The following HIVEP3 variants were observed in gnomAD, a reference collection of about 807,000 sequenced individuals.
HIVEP3 encodes the protein transcription factor HIVEP3.
Under a neutral mutation model 152.8 loss-of-function variants are expected in HIVEP3, and 49 were observed. The ratio of observed to expected loss-of-function variants is 0.32; its 90% confidence interval spans 0.26 to 0.41. HIVEP3 has a LOEUF of 0.41. Ranked by LOEUF, HIVEP3 falls within the 10% of genes least tolerant of loss-of-function variation. The pLI, the probability that HIVEP3 is intolerant of heterozygous loss-of-function variation, is 1.00. For synonymous variants in HIVEP3, 1,269 were observed against 1,289.0 expected, an observed-to-expected ratio of 0.98 and a Z score of 0.33; for missense variants, 2,790 against 3,103.3, an observed-to-expected ratio of 0.90 and a Z score of 2.40.
chr1:41,726,793 T>C (rs1056326902), intron 1 of HIVEP3, among the ~76,000 whole-genome samples: 10 of 152,054 alleles, frequency 6.6e-5, no homozygotes, highest in African/African-American at 2.4e-4. Flanking sequence ...AGAAGAACTT[T>C]CTTAAAAAAG....
At chr1:41,819,589 C>T (rs561236157) in intron 1 of HIVEP3, among the ~76,000 whole-genome samples, 10 of 152,138 alleles carry the variant, frequency 6.6e-5, no homozygotes, top group African/African-American at 1.9e-4. Flanking sequence ...ATATAATTTC[C>T]GCTAAGATTT....
chr1:41,977,014 C>A (rs936135348), intron 1 of HIVEP3, among the ~76,000 whole-genome samples: 3 of 152,140 alleles, frequency 2.0e-5, no homozygotes, highest in Non-Finnish European at 4.4e-5. Flanking sequence ...GAGACTAATA[C>A]AACAGCAGTA....
intron 1 of HIVEP3, among the ~76,000 whole-genome samples, chr1:41,888,190 C>A (rs1388119099): frequency 1.3e-5 from 2 of 150,012 alleles, no homozygotes; most frequent in Non-Finnish European, 3.0e-5. Flanking sequence ...CACCCACCAC[C>A]ACGCCCGGCT....
intron 2 of HIVEP3, among the ~76,000 whole-genome samples, chr1:41,659,121 G>A (rs562026211): frequency 5.3e-5 from 8 of 152,218 alleles, no homozygotes; most frequent in Admixed American, 2.6e-4. Flanking sequence ...GCAGCGAACT[G>A]CAAGTATGGC....
intron 1 of HIVEP3, among the ~76,000 whole-genome samples, chr1:41,752,284 C>T (rs907592804): frequency 4.6e-5 from 7 of 152,218 alleles, no homozygotes; most frequent in African/African-American, 1.7e-4. Flanking sequence ...CAGTCACCCA[C>T]GGAGGCTCCG....
intron 3 of HIVEP3, among the ~76,000 whole-genome samples, chr1:41,616,439 GCA>G (rs1200022422): frequency 9.9e-5 from 15 of 152,254 alleles, no homozygotes; most frequent in African/African-American, 3.6e-4. Context: ...TAAGAGGGAC[GCA>G]CAGAGTCTCA....
intron 2 of HIVEP3, among the ~76,000 whole-genome samples, chr1:41,687,237 T>C (rs932452779): frequency 3.3e-5 from 5 of 152,254 alleles, no homozygotes; most frequent in African/African-American, 1.2e-4. Context: ...TCACTGGGGC[T>C]GTGAAGGCAT....
chr1:41,655,909 C>T lies in HIVEP3; in HGVS notation c.-720-26962G>A, dbSNP rs972195644. ...CTTGGTTTTACTCTGTAATCTCTTG[C>T]TTCCACCCTGGTAACTTGAAAACAA... is the stretch of plus-strand genomic sequence containing the variant. On this transcript the variant is annotated intron_variant, in intron 2 of 8. Transcript: ENST00000372583. Among the ~76,000 whole-genome samples the T allele has an allele frequency of 8.5e-5, 13 of 152,306 alleles. No homozygotes were observed. In the East Asian group the frequency reaches 1.5e-3, roughly 18 times the overall value.
At chr1:41,590,277 C>A (rs1644568445) in intron 3 of HIVEP3, among the ~76,000 whole-genome samples, 1 of 152,224 alleles carries the variant, frequency 6.6e-6, no homozygotes, top group African/African-American at 2.4e-5. Flanking sequence ...GGGATTGTGG[C>A]AGAGACTGAA....
At chr1:41,522,290 CAG>C (rs575683027) in intron 6 of HIVEP3, among the ~76,000 whole-genome samples, 140 of 152,376 alleles carry the variant, frequency 9.2e-4, no homozygotes, top group African/African-American at 3.1e-3. Flanking sequence ...CCCCATACTG[CAG>C]AGAGAGTTAA....
At chr1:41,976,260 T>C (rs1360845939) in intron 1 of HIVEP3, among the ~76,000 whole-genome samples, 3 of 152,244 alleles carry the variant, frequency 2.0e-5, no homozygotes, top group African/African-American at 7.2e-5. Flanking sequence ...ATTAATTCCT[T>C]TCACTTCTCT....
intron 1 of HIVEP3, among the ~76,000 whole-genome samples, chr1:41,892,666 A>C (rs1644464063): frequency 6.6e-6 from 1 of 152,198 alleles, no homozygotes; most frequent in Non-Finnish European, 1.5e-5. Context: ...ACTCCAGTTA[A>C]ATCAACCAGC....
intron 1 of HIVEP3, among the ~76,000 whole-genome samples, chr1:41,755,858 C>T (rs1366735450): frequency 2.0e-5 from 3 of 152,188 alleles, no homozygotes; most frequent in African/African-American, 7.2e-5. Flanking sequence ...AATTGCATCC[C>T]TTGTCCATTG....
intron 1 of HIVEP3, among the ~76,000 whole-genome samples, chr1:41,812,226 G>A (rs1651003010): frequency 6.6e-6 from 1 of 152,106 alleles, no homozygotes; most frequent in Admixed American, 6.5e-5. Context: ...TAACAAACAC[G>A]AGGAGCACAA....
chr1:41,944,058 C>T (rs1645061826), intron 1 of HIVEP3, among the ~76,000 whole-genome samples: 1 of 152,112 alleles, frequency 6.6e-6, no homozygotes, highest in African/African-American at 2.4e-5. Context: ...ATATGAGGTA[C>T]TTAGAGTAAT....
chr1:41,573,621 C>T (rs1471227517), intron 5 of HIVEP3, among the ~76,000 whole-genome samples: 1 of 152,178 alleles, frequency 6.6e-6, no homozygotes, highest in Non-Finnish European at 1.5e-5. Flanking sequence ...GTAAAATGCA[C>T]CAATGTCCAT....
intron 1 of HIVEP3, among the ~76,000 whole-genome samples, chr1:41,774,921 A>G (rs1243715636): frequency 6.6e-6 from 1 of 151,892 alleles, no homozygotes; most frequent in Non-Finnish European, 1.5e-5. Context: ...TCAGCTTCCT[A>G]AGTAGCTGGG....
chr1:41,850,088 G>C (rs577566947), intron 1 of HIVEP3, among the ~76,000 whole-genome samples: 4 of 152,282 alleles, frequency 2.6e-5, no homozygotes, highest in African/African-American at 9.6e-5. Context: ...ACAGAGTTTT[G>C]GTTACACTCC....
chr1:41,755,861 G>A (rs1025324363), intron 1 of HIVEP3, among the ~76,000 whole-genome samples: 1 of 152,156 alleles, frequency 6.6e-6, no homozygotes, highest in Non-Finnish European at 1.5e-5. Context: ...TGCATCCCTT[G>A]TCCATTGCCG....
Sources: gnomAD v4.1 joint callset for allele counts (sites outside exome capture counted in the v4.1 genomes callset) on GRCh38, gnomAD v4.1.1 for gene constraint, MANE v1.5 for transcripts, NCBI Gene and HGNC (gene_info 2026-07-23, HGNC 2026-07-21) for gene names.